KCNH5: variants seen among roughly 807,000 people sequenced by gnomAD.
KCNH5 encodes the protein potassium voltage-gated channel subfamily H member 5.
In KCNH5, 46 loss-of-function variants were observed where a neutral mutation model predicts 96.1. The ratio of observed to expected loss-of-function variants is 0.48; its 90% CI spans 0.38 to 0.61. The LOEUF is 0.61. KCNH5 is among the 20% of genes least tolerant of loss of function. KCNH5 has a pLI of 0.00. For missense variants in KCNH5, 907 were observed against 1,225.8 expected, an observed-to-expected ratio of 0.74 and a Z score of 3.88; for synonymous variants, 439 against 449.8, an observed-to-expected ratio of 0.98 and a Z score of 0.30.
At chr14:62,789,793 G>A (rs920470080) in intron 9 of KCNH5, among the ~76,000 whole-genome samples, 15 of 151,828 alleles carry the variant, frequency 9.9e-5, no homozygotes, top group African/African-American at 3.4e-4. Context: ...TTCTGCTATT[G>A]AGTTGTAAGA....
At chr14:62,847,958 T>G (rs1192994355) in intron 8 of KCNH5, among the ~76,000 whole-genome samples, 2 of 152,230 alleles carry the variant, frequency 1.3e-5, no homozygotes. Context: ...AAGGGGAGGC[T>G]TGAAGACAAT....
chr14:62,829,478 T>C (rs1046709397), intron 8 of KCNH5, among the ~76,000 whole-genome samples: 9 of 152,338 alleles, frequency 5.9e-5, no homozygotes, highest in African/African-American at 2.2e-4. Context: ...GAGTCTTGTC[T>C]TATGTGCACC....
chr14:62,843,797 T>C (rs1016941670), intron 8 of KCNH5, among the ~76,000 whole-genome samples: 2 of 152,094 alleles, frequency 1.3e-5, no homozygotes, highest in African/African-American at 4.8e-5. Context: ...CTATGATATA[T>C]ACCATCACGG....
chr14:63,026,585 C>T (rs1308220368), intron 1 of KCNH5, among the ~76,000 whole-genome samples: 1 of 151,930 alleles, frequency 6.6e-6, no homozygotes, highest in African/African-American at 2.4e-5. Context: ...ATGCAAAGAG[C>T]TAACAGTTAC....
chr14:63,003,500 A>ATT (rs1891053753), intron 3 of KCNH5, among the ~76,000 whole-genome samples: 44 of 123,036 alleles, frequency 3.6e-4, no homozygotes, highest in African/African-American at 1.4e-3. Flanking sequence ...TATTATATAT[A>ATT]TATTTTATAT....
At chr14:62,884,425 G>A (rs532835415) in intron 7 of KCNH5, among the ~76,000 whole-genome samples, 8 of 152,306 alleles carry the variant, frequency 5.3e-5, no homozygotes, top group Admixed American at 2.6e-4. Flanking sequence ...AGGAGTTCAC[G>A]ACCAGCCCTG....
intron 9 of KCNH5, among the ~76,000 whole-genome samples, chr14:62,800,956 G>T (rs1886647943): frequency 6.6e-6 from 1 of 150,906 alleles, no homozygotes; most frequent in South Asian, 2.1e-4. Context: ...ACAGTTCCTA[G>T]AAGAAATCTA....
At chr14:62,832,133 A>C (rs1242108834) in intron 8 of KCNH5, among the ~76,000 whole-genome samples, 1 of 152,202 alleles carries the variant, frequency 6.6e-6, no homozygotes, top group African/African-American at 2.4e-5. Flanking sequence ...TATTTTTTTA[A>C]ATTACAGTAA....
chr14:63,028,977 T>C (rs1891575669), intron 1 of KCNH5, among the ~76,000 whole-genome samples: 1 of 152,126 alleles, frequency 6.6e-6, no homozygotes, highest in Non-Finnish European at 1.5e-5. Flanking sequence ...TCTCCATTCA[T>C]CTTTATACTT....
intron 7 of KCNH5, among the ~76,000 whole-genome samples, chr14:62,927,850 T>G (rs919196313): frequency 6.6e-6 from 1 of 152,082 alleles, no homozygotes; most frequent in African/African-American, 2.4e-5. Flanking sequence ...CTGAACTGTA[T>G]CCTTAAAAAT....
intron 10 of KCNH5, among the ~76,000 whole-genome samples, chr14:62,714,897 A>G (rs1050773653): frequency 3.3e-5 from 5 of 152,214 alleles, no homozygotes; most frequent in Non-Finnish European, 7.3e-5. Context: ...AATTAAGGAC[A>G]AAATTTAAAA....
At chr14:63,012,687 C>T (rs1000999981) in intron 2 of KCNH5, among the ~76,000 whole-genome samples, 9 of 151,612 alleles carry the variant, frequency 5.9e-5, no homozygotes, top group Non-Finnish European at 1.0e-4. Flanking sequence ...ATAAATAGAA[C>T]GAAGGCTGTG....
At chr14:63,001,499 G>T in intron 3 of KCNH5, 40 bp from the exon 4 acceptor site, 1 of 1,573,982 alleles carries the variant, frequency 6.4e-7, no homozygotes, top group South Asian at 1.2e-5. Flanking sequence ...ATTAGAGTGT[G>T]GCACGGCCAC....
intron 10 of KCNH5, among the ~76,000 whole-genome samples, chr14:62,710,885 C>T (rs979097532): frequency 1.7e-4 from 26 of 152,214 alleles, no homozygotes; most frequent in South Asian, 4.2e-4. Context: ...TTTGTTTATT[C>T]AAATTTTAAT....
intron 6 of KCNH5, among the ~76,000 whole-genome samples, chr14:62,973,828 A>T (rs566263532): frequency 6.6e-6 from 1 of 152,328 alleles, no homozygotes; most frequent in African/African-American, 2.4e-5. Flanking sequence ...AGCCAACTAT[A>T]TTAAATAACA....
chr14:62,909,249 T>G (rs1418458885), intron 7 of KCNH5, among the ~76,000 whole-genome samples: 19 of 150,718 alleles, frequency 1.3e-4, no homozygotes, highest in African/African-American at 2.4e-4. Flanking sequence ...GTTTCACCGT[T>G]TTAGCCGGGA....
chr14:62,837,069 T>C (rs1454026329), intron 8 of KCNH5, among the ~76,000 whole-genome samples: 3 of 152,164 alleles, frequency 2.0e-5, no homozygotes, highest in Non-Finnish European at 4.4e-5. Context: ...CAGGAATATA[T>C]AACACTAAGA....
chr14:62,939,375 C>T (rs373627335), intron 7 of KCNH5, among the ~76,000 whole-genome samples: 40 of 152,300 alleles, frequency 2.6e-4, no homozygotes, highest in African/African-American at 9.4e-4. Flanking sequence ...ACTTTCTATA[C>T]ATTGTTATTC....
intron 7 of KCNH5, among the ~76,000 whole-genome samples, chr14:62,941,613 A>G (rs893991327): frequency 5.3e-5 from 8 of 152,334 alleles, no homozygotes; most frequent in Admixed American, 2.6e-4. Context: ...CCCAGTTTCC[A>G]AAATAAACAT....
Sources: allele counts gnomAD v4.1 joint callset (sites outside exome capture counted in the v4.1 genomes callset), GRCh38; gene constraint gnomAD v4.1.1; transcripts MANE v1.5; gene names NCBI Gene and HGNC (gene_info 2026-07-23, HGNC 2026-07-21).